Variants in MDC1 observed in about 807,000 individuals in gnomAD.
MDC1 encodes mediator of DNA damage checkpoint protein 1.
A neutral mutation model predicts 142.5 loss-of-function variants in MDC1; 81 were observed. That is an observed-to-expected ratio of 0.57 (90% confidence interval 0.47 to 0.68). The LOEUF is 0.68. Among genes scored for constraint, MDC1 ranks in the 30% least tolerant of loss-of-function variants. The pLI is 0.00. For missense variants in MDC1, 2,119 were observed against 2,547.9 expected (o/e 0.83, Z 3.62); for synonymous variants, 797 against 968.4 (o/e 0.82, Z 3.29).
chr6:30,707,522 C>T (rs778755661), intron 8 of MDC1, 44 bp downstream of exon 8: 92 of 1,612,872 alleles, frequency 5.7e-5, no homozygotes, highest in Middle Eastern at 1.6e-4. Context: ...TTGATTATCA[C>T]GAGGCCTGTG....
rs751653752 is a variant in MDC1 at position 30,714,122 on chromosome 6, C to T, written c.198G>A (p.Leu66=). ...GTTGTTTGGAGATAGATGGAAAGGGCAGGGCCACAGAGCAGTCAGGCATTC... is the reference window on the plus strand; with the variant it reads ...GTTGTTTGGAGATAGATGGAAAGGGTAGGGCCACAGAGCAGTCAGGCATTC... ...VGRMPDCSVA[L]PFPSISKQHA... Residue 66 remains leucine, a synonymous_variant, in exon 3 of 15, where the codon CTG becomes CTA. Transcript: ENST00000376406. 7 of 1,612,346 alleles carry T rather than the reference C, an allele frequency of 4.3e-6. No individual in the cohort carries two copies. The highest frequency in any genetic ancestry group is 5.9e-6 in the Non-Finnish European group (7 of 1,180,014).
Position 30,705,341 on chromosome 6 carries a change from G to A in MDC1, c.3842C>T (p.Pro1281Leu). 6 of 1,604,224 alleles carry A rather than the reference G, an allele frequency of 3.7e-6. No homozygotes were observed. The highest frequency in any genetic ancestry group is 5.1e-6 in the Non-Finnish European group (6 of 1,176,316). Residue 1281 changes from proline to leucine, a missense_variant, in exon 10 of 15, where the codon CCT (proline) becomes CTT (leucine). Coordinates refer to ENST00000376406, the MANE Select transcript of MDC1 (RefSeq NM_014641.3). ...AGGGGCTGTGGGCACAACTGGTTCA[G>A]GGGTCTTGACAGAGGATCTATTTTT... Reference protein sequence around the residue: ...GRKNRSSVKTPEPVVPTAPEL... With the variant: ...GRKNRSSVKTLEPVVPTAPEL...
At chr6:30,711,189 A>G (rs1774823098) in intron 7 of MDC1, among the ~76,000 whole-genome samples, 1 of 152,216 alleles carries the variant, frequency 6.6e-6, no homozygotes, top group South Asian at 2.1e-4. Context: ...AGCCTGGCCA[A>G]CATGGTGAAA....
chr6:30,707,544 G>C (rs943733718), intron 8 of MDC1, 22 bp downstream of exon 8: 1 of 1,612,672 alleles, frequency 6.2e-7, no homozygotes, highest in Admixed American at 1.7e-5. Flanking sequence ...ATCACCTTGG[G>C]TTCCCCTCTG....
At chr6:30,714,358 AAT>A (rs1248953807) in intron 2 of MDC1, among the ~76,000 whole-genome samples, 175 bp from the exon 3 acceptor site, 21 of 152,292 alleles carry the variant, frequency 1.4e-4, no homozygotes, top group Non-Finnish European at 1.3e-4. Flanking sequence ...ATCCATCCAC[AAT>A]GGATGTTTTT....
chr6:30,703,074 T>G lies in MDC1; in HGVS notation c.5865+30A>C. On this transcript the variant is annotated intron_variant, in intron 12 of 14. Coordinates refer to ENST00000376406, the MANE Select transcript of MDC1 (RefSeq NM_014641.3). The surrounding 1 kb of genome is among the most constrained non-coding windows in gnomAD (Gnocchi z 4.4). The stretch of plus-strand genomic sequence containing the variant: ...CTATATGAGCAGTCTTGCCACTATA[T>G]CGGTCTGTCATCATCCCTTGGCCTC... The G allele has an allele frequency of 6.2e-7, 1 of 1,602,482 alleles. No individual in the cohort carries two copies. Among genetic ancestry groups the G allele is most frequent in the African/African-American group, 1.3e-5 (1 of 74,924 alleles).
Position 30,703,258 on chromosome 6 carries a change from C to T in MDC1, c.5711G>A (p.Arg1904Gln), listed in dbSNP as rs28994876. 5.7e-5 allele frequency: 92 copies of T among 1,612,740 alleles called. No individual in the cohort carries two copies. Among genetic ancestry groups the T allele is most frequent in the Non-Finnish European group, 7.6e-5 (90 of 1,179,776 alleles). ...KVLFTGVVDARGERAVLALGG... is the reference protein window; with the variant it reads ...KVLFTGVVDAQGERAVLALGG... ...CAGTGCCAGCACAGCCCGCTCTCCC[C>T]GAGCATCCACCACTCCTGTGAAGAG... is the stretch of plus-strand genomic sequence containing the variant. Residue 1904 changes from arginine to glutamine, a missense_variant, in exon 12 of 15, where the codon CGG becomes CAG. Coordinates refer to ENST00000376406, the MANE Select transcript of MDC1 (RefSeq NM_014641.3). This position sits in a 1 kb window ranked among gnomAD's most constrained non-coding sequence, Gnocchi z 4.4.
rs1286578052 is a variant in MDC1, at chr6:30,708,237, G to A, written c.2342C>T (p.Pro781Leu). 6.2e-7 allele frequency: 1 copy of A among 1,613,082 alleles called. No individual in the cohort carries two copies. The highest frequency in any genetic ancestry group is 1.7e-5 in the Admixed American group (1 of 60,014). ...TTGGTCTCCTGGTATTGCCCTAGGT[G>A]GAGACAGGCAAGGTCCATAGGCCTC... ...HLEAYGPCLS[P>L]PRAIPGDQHP... The change falls in exon 8 of 15, where the codon CCA (proline) becomes CTA (leucine). Residue 781 changes from proline (P) to leucine (L), a missense_variant. Pro to Leu is a moderately conservative substitution (Grantham distance 98). Transcript: ENST00000376406.
Position 30,704,258 on chromosome 6 carries a change from G to A in MDC1, c.4925C>T (p.Thr1642Ile), listed in dbSNP as rs1299870485. Residue 1642 changes from threonine to isoleucine, a missense_variant, in exon 10 of 15, where the codon ACA becomes ATA. Physicochemically the swap from Thr to Ile is moderately conservative, Grantham distance 89. Coordinates refer to ENST00000376406, the MANE Select transcript of MDC1 (RefSeq NM_014641.3). The part of the protein sequence containing the change: ...KLTSRATRRK[T>I]NRSSVKTPKP... The stretch of plus-strand genomic sequence containing the variant: ...GGGAGTCTTGACAGAGGACCTATTT[G>A]TCTTTCTCCTAGTGGCCCTAGATGT... The A allele has an allele frequency of 4.3e-6, 7 of 1,613,412 alleles. No homozygotes were observed. Among genetic ancestry groups the A allele is most frequent in the African/African-American group, 1.3e-5 (1 of 74,914 alleles).
chr6:30,709,396 T>C lies in MDC1; in HGVS notation c.2222-1039A>G, dbSNP rs553641555. On this transcript the variant is annotated intron_variant, in intron 7 of 14. Coordinates refer to ENST00000376406, the MANE Select transcript of MDC1 (RefSeq NM_014641.3). The surrounding 1 kb of genome is among the most constrained non-coding windows in gnomAD (Gnocchi z 4.2). The stretch of plus-strand genomic sequence containing the variant: ...ATTTTCTTTTTTCTTCATTGACACA[T>C]AATAATTGTACATATTTATGGGGTA... Among the ~76,000 whole-genome samples the C allele has an allele frequency of 1.3e-5, 2 of 152,346 alleles. No homozygotes were observed. Among genetic ancestry groups the C allele is most frequent in the South Asian group, 4.1e-4 (2 of 4,832 alleles).
chr6:30,701,169 G>A (rs1010921263), intron 14 of MDC1, among the ~76,000 whole-genome samples: 9 of 152,010 alleles, frequency 5.9e-5, no homozygotes, highest in African/African-American at 1.9e-4. Flanking sequence ...TTGGGAGGCC[G>A]AGGTGGGTGG....
Position 30,702,667 on chromosome 6 carries a change from A to C in MDC1, c.5992-4T>G. ...GGGTCACATAGATCTCATAGCCCTA[A>C]GAGAAAGAAATGATGGAGATGGTAT... On this transcript the variant is annotated splice_polypyrimidine_tract_variant and splice_region_variant and intron_variant, in intron 13 of 14. Coordinates refer to ENST00000376406, the MANE Select transcript of MDC1 (RefSeq NM_014641.3). The C allele has an allele frequency of 6.2e-7, 1 of 1,611,160 alleles. No homozygotes were observed. Among genetic ancestry groups the C allele is most frequent in the Non-Finnish European group, 8.5e-7 (1 of 1,179,020 alleles).
In MDC1 at chr6:30,709,060, A is replaced by G. The variant is rs532358764; in HGVS notation, c.2222-703T>C. Among the ~76,000 whole-genome samples, 2 of 152,298 alleles carry G rather than the reference A, an allele frequency of 1.3e-5. No homozygotes were observed. The highest frequency in any genetic ancestry group is 6.5e-5 in the Admixed American group (1 of 15,294). On this transcript the variant is annotated intron_variant, in intron 7 of 14. Coordinates refer to ENST00000376406, the MANE Select transcript of MDC1 (RefSeq NM_014641.3). The surrounding 1 kb of genome is among the most constrained non-coding windows in gnomAD (Gnocchi z 4.2). ...CTGAATAGTCTCTCTCTCTCAAGACAGTTTCACTCTGTCACCCAGGCTGGA... is the reference window on the plus strand; with the variant it reads ...CTGAATAGTCTCTCTCTCTCAAGACGGTTTCACTCTGTCACCCAGGCTGGA...
rs1773684406 is a variant in MDC1, at chr6:30,705,760, G to A, written c.3423C>T (p.Pro1141=). The A allele has an allele frequency of 6.2e-7, 1 of 1,613,148 alleles. No homozygotes were observed. The highest frequency in any genetic ancestry group is 1.1e-5 in the South Asian group (1 of 91,002). Residue 1141 remains proline (P), a synonymous_variant, in exon 10 of 15, where the codon CCC becomes CCT. Transcript: ENST00000376406. ...TSTAQPVTPK[P]TSQATRSRTN... is the part of the protein sequence containing the mutation. The stretch of plus-strand genomic sequence containing the variant: ...TCCTGCTCCTAGTGGCCTGAGATGT[G>A]GGCTTGGGAGTGACTGGCTGGGCTG...
Position 30,703,574 on chromosome 6 carries a change from C to A in MDC1, c.5563-37G>T, listed in dbSNP as rs1270463538. ...AAAAATCTTGGTGGGAGTTTCAGAG[C>A]CCTGAAGTCATTTTTCCCAGCTTTG... is the stretch of plus-strand genomic sequence containing the variant. On this transcript the variant is annotated intron_variant, in intron 10 of 14. Transcript: ENST00000376406. This position sits in a 1 kb window ranked among gnomAD's most constrained non-coding sequence, Gnocchi z 4.4. 3.1e-6 allele frequency: 5 copies of A among 1,612,522 alleles called. No individual in the cohort carries two copies. The Admixed American group carries it at 5.0e-5, about 16-fold the overall frequency.
In MDC1 at chr6:30,704,394, T is replaced by C; in HGVS notation, c.4789A>G (p.Thr1597Ala). 6.2e-7 allele frequency: 1 copy of C among 1,611,810 alleles called. No homozygotes were observed. The highest frequency in any genetic ancestry group is 8.5e-7 in the Non-Finnish European group (1 of 1,179,414). Residue 1597 changes from threonine (T) to alanine (A), a missense_variant, in exon 10 of 15, where the codon ACT becomes GCT. Transcript: ENST00000376406. ...LVTPEPTSRATRCRTNRSSVK... is the reference protein window; with the variant it reads ...LVTPEPTSRAARCRTNRSSVK... ...GAGGACCTATTTGTCCTGCACCTAGTGGCCCGAGATGTGGGCTCAGGGGTG... is the reference window on the plus strand; with the variant it reads ...GAGGACCTATTTGTCCTGCACCTAGCGGCCCGAGATGTGGGCTCAGGGGTG...
chr6:30,711,981 G>C lies in MDC1; in HGVS notation c.1961C>G (p.Thr654Ser), dbSNP rs751891927. The change falls in exon 5 of 15, where the codon ACT (threonine) becomes AGT (serine). Residue 654 changes from threonine (T) to serine (S), a missense_variant. Thr to Ser is a moderately conservative substitution (Grantham distance 58). Transcript: ENST00000376406. ...CTGTGGCTGGGTGGATTCCCCTAGA[G>C]TGTCTGTGTCCACCACCAGATCTGT... ...NLTDLVVDTD[T>S]LGESTQPQRE... 1 of 1,596,168 alleles carries C rather than the reference G, an allele frequency of 6.3e-7. No individual in the cohort carries two copies. The highest frequency in any genetic ancestry group is 2.2e-5 in the East Asian group (1 of 44,748).
In MDC1 at chr6:30,714,162, T is replaced by C; in HGVS notation, c.158A>G (p.Lys53Arg). The C allele has an allele frequency of 9.9e-6, 16 of 1,609,706 alleles. No individual in the cohort carries two copies. The highest frequency in any genetic ancestry group is 1.2e-5 in the Non-Finnish European group (14 of 1,179,704). The change falls in exon 3 of 15, where the codon AAG (lysine) becomes AGG (arginine). Residue 53 changes from lysine to arginine, a missense_variant. By Grantham distance (26) the Lys-to-Arg change is conservative. Transcript: ENST00000376406. ...PEKDFPLHLGKNVVGRMPDCS... is the reference protein window; with the variant it reads ...PEKDFPLHLGRNVVGRMPDCS... ...GTCAGGCATTCGGCCTACCACATTC[T>C]TCCCGAGGTGTAGTGGGAAATCTAA...
Position 30,712,511 on chromosome 6 carries a change from A to G in MDC1, c.1431T>C (p.Ile477=). 2 of 1,612,982 alleles carry G rather than the reference A, an allele frequency of 1.2e-6. No individual in the cohort carries two copies. The highest frequency in any genetic ancestry group is 1.7e-6 in the Non-Finnish European group (2 of 1,180,008). ...REAVLKDHTK[I]RALVRAHSEK... is the part of the protein sequence containing the mutation. Reference sequence around the variant, plus strand: ...CTGAATGTGCTCTAACAAGGGCTCTAATCTTTGTGTGATCCTTGAGGACAG... The same window carrying G: ...CTGAATGTGCTCTAACAAGGGCTCTGATCTTTGTGTGATCCTTGAGGACAG... The change falls in exon 5 of 15, where the codon ATT becomes ATC. Residue 477 remains isoleucine, a synonymous_variant. Transcript: ENST00000376406. This position sits in a 1 kb window ranked among gnomAD's most constrained non-coding sequence, Gnocchi z 4.7.
Sources: gnomAD v4.1 joint callset for allele counts (sites outside exome capture counted in the v4.1 genomes callset) on GRCh38, gnomAD v4.1.1 for gene constraint, Gnocchi (gnomAD v3.1) non-coding constraint, MANE v1.5 for transcripts, NCBI Gene and HGNC (gene_info 2026-07-23, HGNC 2026-07-21) for gene names.